Variants in SLC35F3 observed in about 807,000 individuals in gnomAD.
SLC35F3 encodes putative thiamine transporter SLC35F3.
A neutral mutation model predicts 49.9 loss-of-function variants in SLC35F3; 25 were observed. The observed-to-expected ratio is 0.50, with a 90% CI of 0.37 to 0.70. The LOEUF is 0.70. SLC35F3 is among the 30% of genes least tolerant of loss of function. The pLI, the probability that SLC35F3 is intolerant of heterozygous loss-of-function variation, is 0.00. For missense variants in SLC35F3, 525 were observed against 639.8 expected (o/e 0.82, Z 1.94); for synonymous variants, 275 against 265.4 (o/e 1.04, Z -0.35).
intron 2 of SLC35F3, among the ~76,000 whole-genome samples, chr1:234,137,524 A>G (rs577564401): frequency 1.6e-4 from 24 of 152,348 alleles, no homozygotes; most frequent in African/African-American, 5.8e-4. Context: ...AAAGGACTTA[A>G]AGAGAGCTCA....
chr1:234,004,842 T>C (rs1424277209), intron 2 of SLC35F3, among the ~76,000 whole-genome samples: 3 of 152,172 alleles, frequency 2.0e-5, no homozygotes, highest in Non-Finnish European at 4.4e-5. Flanking sequence ...TCTTCTTTAT[T>C]TTCAAATGGC....
intron 3 of SLC35F3, among the ~76,000 whole-genome samples, chr1:234,244,290 A>G (rs1428740461): frequency 6.6e-6 from 1 of 152,182 alleles, no homozygotes; most frequent in Non-Finnish European, 1.5e-5. Flanking sequence ...TTTGAACACC[A>G]CAAGGACAGG....
intron 2 of SLC35F3, among the ~76,000 whole-genome samples, chr1:233,925,724 G>A (rs12119941): frequency 0.098 from 14,954 of 152,230 alleles, 897 homozygotes; most frequent in South Asian, 0.14. Flanking sequence ...TTTCTTCCTA[G>A]CATCGATGGT....
At chr1:234,223,496 C>G (rs1294892114) in intron 2 of SLC35F3, among the ~76,000 whole-genome samples, 1 of 149,924 alleles carries the variant, frequency 6.7e-6, no homozygotes, top group Non-Finnish European at 1.5e-5. Context: ...CTTCACAACT[C>G]TCATGTTTTC....
In SLC35F3 at chr1:233,932,074, A is replaced by G. The variant is rs572943338; in HGVS notation, c.283+26316A>G. On this transcript the variant is annotated intron_variant, in intron 2 of 7. Transcript: ENST00000366618. ...AACCAAACACCACATATTCTCACTC[A>G]TAAGTGGAGTGGAACAATGAGAACA... Among the ~76,000 whole-genome samples the G allele has an allele frequency of 5.3e-5, 8 of 152,264 alleles. No homozygotes were observed. The South Asian group carries it at 1.7e-3, about 32-fold the overall frequency.
intron 2 of SLC35F3, among the ~76,000 whole-genome samples, chr1:234,087,058 A>G (rs1664972280): frequency 6.6e-6 from 1 of 152,202 alleles, no homozygotes; most frequent in African/African-American, 2.4e-5. Flanking sequence ...ACTTCTAGGA[A>G]GGGCAGGTGC....
intron 2 of SLC35F3, among the ~76,000 whole-genome samples, chr1:234,080,627 A>T (rs975235437): frequency 6.6e-6 from 1 of 152,224 alleles, no homozygotes; most frequent in Non-Finnish European, 1.5e-5. Context: ...ATGAATCCTG[A>T]AAACATTATG....
intron 2 of SLC35F3, among the ~76,000 whole-genome samples, chr1:233,969,498 TCTC>T (rs1662958497): frequency 6.6e-6 from 1 of 152,118 alleles, no homozygotes; most frequent in South Asian, 2.1e-4. Flanking sequence ...TCCTGTCTGT[TCTC>T]CTGGTGTTCC....
chr1:233,988,775 A>C (rs1663306345), intron 2 of SLC35F3, among the ~76,000 whole-genome samples: 1 of 152,114 alleles, frequency 6.6e-6, no homozygotes. Flanking sequence ...CTATCATTTA[A>C]GTGAGATTTC....
At chr1:234,087,609 A>G (rs1296879090) in intron 2 of SLC35F3, among the ~76,000 whole-genome samples, 2 of 152,206 alleles carry the variant, frequency 1.3e-5, no homozygotes, top group East Asian at 3.9e-4. Context: ...TCTTCATTCC[A>G]TTCATCAGAC....
intron 2 of SLC35F3, among the ~76,000 whole-genome samples, chr1:234,182,875 A>G (rs1180197060): frequency 1.3e-5 from 2 of 152,174 alleles, no homozygotes; most frequent in Non-Finnish European, 2.9e-5. Flanking sequence ...AACTCTGACC[A>G]TATCTCTAGT....
At chr1:234,133,117 A>T (rs1285148240) in intron 2 of SLC35F3, among the ~76,000 whole-genome samples, 2 of 152,160 alleles carry the variant, frequency 1.3e-5, no homozygotes, top group Non-Finnish European at 2.9e-5. Flanking sequence ...ACATAATATT[A>T]TCTCTCCTTC....
intron 3 of SLC35F3, among the ~76,000 whole-genome samples, chr1:234,233,993 C>T (rs963298372): frequency 1.3e-5 from 2 of 152,044 alleles, no homozygotes; most frequent in Non-Finnish European, 2.9e-5. Context: ...GAGATCCTTC[C>T]TCAAAAGGAG....
intron 2 of SLC35F3, among the ~76,000 whole-genome samples, chr1:234,065,614 G>A (rs907925066): frequency 7.2e-5 from 11 of 152,034 alleles, no homozygotes; most frequent in African/African-American, 2.4e-4. Flanking sequence ...AGTCTGCCAC[G>A]AGCGCTATGA....
intron 2 of SLC35F3, among the ~76,000 whole-genome samples, chr1:234,195,352 C>A (rs1666791464): frequency 6.6e-6 from 1 of 152,152 alleles, no homozygotes; most frequent in Non-Finnish European, 1.5e-5. Context: ...TTCCACAGTC[C>A]AATTTCTTGA....
chr1:234,013,522 AC>A (rs1167818867), intron 2 of SLC35F3, among the ~76,000 whole-genome samples: 3 of 151,886 alleles, frequency 2.0e-5, no homozygotes, highest in African/African-American at 7.2e-5. Context: ...GACTAGAAAA[AC>A]AATAGAAAAA....
rs1258851582 is a variant in SLC35F3 at position 234,094,837 on chromosome 1, G to C, written c.284-136580G>C. Among the ~76,000 whole-genome samples, 3 of 152,186 alleles carry C rather than the reference G, an allele frequency of 2.0e-5. No individual in the cohort carries two copies. In the East Asian group the frequency reaches 5.8e-4, roughly 29 times the overall value. ...CAGGTGATGGCTTAAAATGGCAGGA[G>C]AGATCAATGGTTCAGTCTGCCTATC... is the stretch of plus-strand genomic sequence containing the variant. On this transcript the variant is annotated intron_variant, in intron 2 of 7. Coordinates refer to ENST00000366618, the MANE Select transcript of SLC35F3 (RefSeq NM_173508.4).
chr1:234,227,535 A>G (rs1209294270), intron 2 of SLC35F3, among the ~76,000 whole-genome samples: 1 of 151,280 alleles, frequency 6.6e-6, no homozygotes, highest in South Asian at 2.1e-4. Context: ...AGTAGCTGGG[A>G]CTACAGGTGC....
chr1:234,179,250 C>T, intron 2 of SLC35F3, among the ~76,000 whole-genome samples: 1 of 152,116 alleles, frequency 6.6e-6, no homozygotes, highest in South Asian at 2.1e-4. Context: ...GGCTGAAGGT[C>T]CATCTTCTTG....
Sources: gnomAD v4.1 joint callset for allele counts (sites outside exome capture counted in the v4.1 genomes callset) on GRCh38, gnomAD v4.1.1 for gene constraint, MANE v1.5 for transcripts, NCBI Gene and HGNC (gene_info 2026-07-23, HGNC 2026-07-21) for gene names.